ADORA2A: variants seen among roughly 807,000 people sequenced by gnomAD.
ADORA2A encodes adenosine A2a receptor.
Under a neutral mutation model 18.4 loss-of-function variants are expected in ADORA2A, and 11 were observed. That is an observed-to-expected ratio of 0.60 (90% CI 0.38 to 0.99). The LOEUF (loss-of-function observed/expected upper bound fraction) is 0.99. Ranked by LOEUF, ADORA2A falls within the 50% of genes least tolerant of loss-of-function variation. ADORA2A has a pLI of 0.01. For missense variants in ADORA2A, 449 were observed against 556.1 expected, an observed-to-expected ratio of 0.81 and a Z score of 1.94; for synonymous variants, 218 against 237.3, an observed-to-expected ratio of 0.92 and a Z score of 0.75.
At chr22:24,436,822 G>T (rs940480905) in intron 2 of ADORA2A, among the ~76,000 whole-genome samples, 1 of 152,188 alleles carries the variant, frequency 6.6e-6, no homozygotes, top group Non-Finnish European at 1.5e-5. Context: ...TGGCATGAGT[G>T]TGGGGGCAGG....
chr22:24,440,704 G>A lies in ADORA2A; in HGVS notation c.454G>A (p.Gly152Ser). 3 of 1,614,062 alleles carry A rather than the reference G, an allele frequency of 1.9e-6. No individual in the cohort carries two copies. Among genetic ancestry groups the A allele is most frequent in the Non-Finnish European group, 1.7e-6 (2 of 1,179,928 alleles). The change falls in exon 3 of 3, where the codon GGC becomes AGC. Residue 152 changes from glycine (G) to serine (S), a missense_variant. Transcript: ENST00000337539. ...GAACAACTGCGGTCAGCCAAAGGAG[G>A]GCAAGAACCACTCCCAGGGCTGCGG... is the stretch of plus-strand genomic sequence containing the variant. ...GWNNCGQPKE[G>S]KNHSQGCGEG...
intron 2 of ADORA2A, among the ~76,000 whole-genome samples, chr22:24,436,325 C>T (rs1000467731): frequency 1.4e-4 from 21 of 152,208 alleles, no homozygotes; most frequent in Non-Finnish European, 2.4e-4. Context: ...CTCTACGTGC[C>T]GTTTCCTGCT....
At chr22:24,426,915 A>AC (rs1416041334), upstream of ADORA2A, among the ~76,000 whole-genome samples, 11 of 151,742 alleles carry the variant, frequency 7.2e-5, no homozygotes, top group African/African-American at 2.2e-4. Context: ...TTCTCTCACC[A>AC]CCCCCCGCCA....
chr22:24,428,257 G>A (rs1019370826), intron 1 of ADORA2A, among the ~76,000 whole-genome samples: 7 of 152,318 alleles, frequency 4.6e-5, no homozygotes, highest in African/African-American at 1.2e-4. Context: ...ACAACCTGCC[G>A]TGCCCTGCCG....
At chr22:24,436,982 C>T (rs1026283171) in intron 2 of ADORA2A, among the ~76,000 whole-genome samples, 1 of 152,134 alleles carries the variant, frequency 6.6e-6, no homozygotes, top group African/African-American at 2.4e-5. Flanking sequence ...CAGGCCTGTT[C>T]GTACCAGGGG....
chr22:24,425,127 C>T (rs972252497), upstream of ADORA2A, among the ~76,000 whole-genome samples: 3 of 152,126 alleles, frequency 2.0e-5, no homozygotes, highest in Non-Finnish European at 4.4e-5. Flanking sequence ...CCGGCTCCCC[C>T]TGGGTTCCCC....
chr22:24,431,595 G>A (rs1223187716), intron 1 of ADORA2A: 11 of 425,808 alleles, frequency 2.6e-5, no homozygotes, highest in Admixed American at 9.9e-5. Context: ...GTGGCTGCCC[G>A]AGTCCACGTG....
rs2043357849 is a variant in ADORA2A, at chr22:24,442,188, G to C, written c.*699G>C. ...GTAACAGAGCAGTGCCAGAGCATGG[G>C]CCCAGGTCCCAGGGGAGAGGTTGGG... On this transcript the variant is annotated 3_prime_UTR_variant, in exon 3 of 3. Coordinates refer to ENST00000337539, the MANE Select transcript of ADORA2A (RefSeq NM_000675.6). 2 of 153,044 alleles carry C rather than the reference G, an allele frequency of 1.3e-5. No individual in the cohort carries two copies. The highest frequency in any genetic ancestry group is 2.9e-5 in the Non-Finnish European group (2 of 68,288). 9.5% of individuals were successfully genotyped at this position (153,044 alleles called of 1,614,324 possible).
At chr22:24,431,567 AAGAG>A (rs150456878) in intron 1 of ADORA2A, 2 of 446,304 alleles carry the variant, frequency 4.5e-6, no homozygotes, top group Admixed American at 4.8e-5. Flanking sequence ...CATGTCCTGG[AAGAG>A]AGAGAGAGAC....
Position 24,441,698 on chromosome 22 carries a change from C to A in ADORA2A, c.*209C>A. ...GTTCTGAGGAAGCAGATGTTTCATG[C>A]TGTGAGGCCTTGCACCAGGTGGGGG... is the stretch of plus-strand genomic sequence containing the variant. On this transcript the variant is annotated 3_prime_UTR_variant, in exon 3 of 3. Coordinates refer to ENST00000337539, the MANE Select transcript of ADORA2A (RefSeq NM_000675.6). 2.2e-6 allele frequency: 1 copy of A among 464,088 alleles called. No homozygotes were observed. Among genetic ancestry groups the A allele is most frequent in the African/African-American group, 2.0e-5 (1 of 50,692 alleles). 28.7% of individuals were successfully genotyped at this position (464,088 alleles called of 1,614,324 possible).
chr22:24,428,097 G>A (rs1021349509), intron 1 of ADORA2A, among the ~76,000 whole-genome samples: 7 of 152,248 alleles, frequency 4.6e-5, no homozygotes, highest in Non-Finnish European at 8.8e-5. Flanking sequence ...AGTGGAGCCC[G>A]TGCTGGGTGG....
chr22:24,433,610 G>C lies in ADORA2A; in HGVS notation c.206G>C (p.Gly69Ala). 1 of 1,614,036 alleles carries C rather than the reference G, an allele frequency of 6.2e-7. No homozygotes were observed. Among genetic ancestry groups the C allele is most frequent in the Non-Finnish European group, 8.5e-7 (1 of 1,180,046 alleles). The stretch of plus-strand genomic sequence containing the variant: ...CCCTTTGCCATCACCATCAGCACCG[G>C]GTTCTGCGCTGCCTGCCACGGCTGC... The part of the protein sequence containing the change: ...AIPFAITIST[G>A]FCAACHGCLF... The change falls in exon 2 of 3, where the codon GGG becomes GCG. Residue 69 changes from glycine (G) to alanine (A), a missense_variant. Transcript: ENST00000337539.
chr22:24,439,072 C>CTTTTTTTTTTTTTTTTTT lies in ADORA2A; in HGVS notation c.333-1499_333-1482dup, dbSNP rs3032740. Among the ~76,000 whole-genome samples the CTTTTTTTTTTTTTTTTTT allele has an allele frequency of 1.4e-4, 10 of 73,104 alleles. 1 individual carries two copies. Among genetic ancestry groups the CTTTTTTTTTTTTTTTTTT allele is most frequent in the Non-Finnish European group, 2.4e-4 (9 of 37,284 alleles). 48.0% of individuals were successfully genotyped at this position (73,104 alleles called of 152,430 possible). A position where few individuals can be genotyped will look rare whatever the true frequency, so the allele number is the denominator to read the frequency against. On this transcript the variant is annotated intron_variant, in intron 2 of 2. Transcript: ENST00000337539. ...GTAGAGCACATCCTTCCCCTTGCACCTTTTTTTTTTTTTTTTTTTTTTTTT... is the reference window on the plus strand; with the variant it reads ...GTAGAGCACATCCTTCCCCTTGCACCTTTTTTTTTTTTTTTTTTTTTTTTTTTTTTTTTTTTTTTTTTT...
At chr22:24,429,125 C>T (rs1423004361) in intron 1 of ADORA2A, 1 of 152,348 alleles carries the variant, frequency 6.6e-6, no homozygotes, top group Non-Finnish European at 1.5e-5. Flanking sequence ...GCAGCAGGCT[C>T]TGGGGGGTAT....
chr22:24,441,070 A>G lies in ADORA2A; in HGVS notation c.820A>G (p.Ile274Val). The change falls in exon 3 of 3, where the codon ATC becomes GTC. Residue 274 changes from isoleucine to valine, a missense_variant. Ile to Val is a conservative substitution (Grantham distance 29). Transcript: ENST00000337539. ...CCCTCTCTGGCTCATGTACCTGGCC[A>G]TCGTCCTCTCCCACACCAATTCGGT... ...HAPLWLMYLA[I>V]VLSHTNSVVN... 1.2e-6 allele frequency: 2 copies of G among 1,614,124 alleles called. No individual in the cohort carries two copies. Among genetic ancestry groups the G allele is most frequent in the Non-Finnish European group, 1.7e-6 (2 of 1,180,034 alleles).
Position 24,433,302 on chromosome 22 carries a change from C to A in ADORA2A, c.-103C>A. The A allele has an allele frequency of 8.3e-7, 1 of 1,198,790 alleles. No homozygotes were observed. The allele number at this position is 1,198,790 out of a possible 1,614,324, so 74.3% of individuals were successfully genotyped here. The stretch of plus-strand genomic sequence containing the variant: ...AGGGGCTCAGGGGTCTGGGCCCCTC[C>A]GCCTGGGCCGGGCTGGGAGCCAGGC... On this transcript the variant is annotated 5_prime_UTR_variant, in exon 2 of 3. Coordinates refer to ENST00000337539, the MANE Select transcript of ADORA2A (RefSeq NM_000675.6).
rs753436368 is a variant in ADORA2A, at chr22:24,433,611, G to A, written c.207G>A (p.Gly69=). 6.2e-7 allele frequency: 1 copy of A among 1,614,022 alleles called. No homozygotes were observed. The highest frequency in any genetic ancestry group is 2.2e-5 in the East Asian group (1 of 44,882). Residue 69 remains glycine, a synonymous_variant, in exon 2 of 3, where the codon GGG becomes GGA. Coordinates refer to ENST00000337539, the MANE Select transcript of ADORA2A (RefSeq NM_000675.6). The stretch of plus-strand genomic sequence containing the variant: ...CCTTTGCCATCACCATCAGCACCGG[G>A]TTCTGCGCTGCCTGCCACGGCTGCC... The part of the protein sequence containing the change: ...AIPFAITIST[G]FCAACHGCLF...
Position 24,441,200 on chromosome 22 carries a change from C to T in ADORA2A, c.950C>T (p.Ala317Val). Reference sequence around the variant, plus strand: ...AGGCAGCAAGAACCTTTCAAGGCAGCTGGCACCAGTGCCCGGGTCTTGGCA... The same window carrying T: ...AGGCAGCAAGAACCTTTCAAGGCAGTTGGCACCAGTGCCCGGGTCTTGGCA... Reference protein sequence around the residue: ...VLRQQEPFKAAGTSARVLAAH... With the variant: ...VLRQQEPFKAVGTSARVLAAH... Residue 317 changes from alanine to valine, a missense_variant, in exon 3 of 3, where the codon GCT becomes GTT. Coordinates refer to ENST00000337539, the MANE Select transcript of ADORA2A (RefSeq NM_000675.6). 6.2e-7 allele frequency: 1 copy of T among 1,614,104 alleles called. No homozygotes were observed.
chr22:24,440,263 A>T (rs2146925797), intron 2 of ADORA2A, among the ~76,000 whole-genome samples: 1 of 152,290 alleles, frequency 6.6e-6, no homozygotes, highest in South Asian at 2.1e-4. Flanking sequence ...CCCCTCAAAA[A>T]ATCATGCGTT....
Sources: allele counts gnomAD v4.1 joint callset (sites outside exome capture counted in the v4.1 genomes callset), GRCh38; gene constraint gnomAD v4.1.1; transcripts MANE v1.5; gene names NCBI Gene and HGNC (gene_info 2026-07-23, HGNC 2026-07-21).